Variants in PPARGC1B observed in about 807,000 individuals in gnomAD.
PPARGC1B encodes PPARG coactivator 1 beta, also known as peroxisome proliferator-activated receptor gamma coactivator 1-beta.
A neutral mutation model predicts 101.6 loss-of-function variants in PPARGC1B; 34 were observed. The ratio of observed to expected loss-of-function variants is 0.33; its 90% CI spans 0.25 to 0.45. The LOEUF (loss-of-function observed/expected upper bound fraction) is 0.45, where lower values mean the gene tolerates loss of function less well. Ranked by LOEUF, PPARGC1B falls within the 20% of genes least tolerant of loss-of-function variation. The pLI, the probability that PPARGC1B is intolerant of heterozygous loss-of-function variation, is 1.00. For synonymous variants in PPARGC1B, 548 were observed against 539.3 expected, an observed-to-expected ratio of 1.02 and a Z score of -0.22; for missense variants, 1,234 against 1,317.6, an observed-to-expected ratio of 0.94 and a Z score of 0.98.
chr5:149,732,602 C>G (rs1754542886), intron 1 of PPARGC1B, among the ~76,000 whole-genome samples: 1 of 152,226 alleles, frequency 6.6e-6, no homozygotes, highest in Admixed American at 6.5e-5. Context: ...TATTTAACCA[C>G]ATGACAGGCC....
At chr5:149,836,202 CTTAGTGTCCCTTGGAGAAGT>C in intron 7 of PPARGC1B, 41 bp from the exon 8 acceptor site, 1 of 1,400,304 alleles carries the variant, frequency 7.1e-7, no homozygotes, top group Non-Finnish European at 9.7e-7. Context: ...AACTTAGGGT[CTTAGTGTCCCTTGGAGAAGT>C]GATCTGTCTT....
At chr5:149,831,359 G>A (rs769778674) in intron 4 of PPARGC1B, among the ~76,000 whole-genome samples, 33 of 152,274 alleles carry the variant, frequency 2.2e-4, no homozygotes, top group Non-Finnish European at 4.0e-4. Flanking sequence ...AAGAAGAGGC[G>A]TAACAGGTGT....
chr5:149,837,661 C>T lies in PPARGC1B; in HGVS notation c.2618+588C>T, dbSNP rs924698964. On this transcript the variant is annotated intron_variant, in intron 8 of 11. Coordinates refer to ENST00000309241, the MANE Select transcript of PPARGC1B (RefSeq NM_133263.4). This position sits in a 1 kb window ranked among gnomAD's most constrained non-coding sequence, Gnocchi z 4.2. ...TGAGCCCGCTTGCTCGTATCATCCT[C>T]GCTCGCTGAACCAGACTGGAGAAGA... Among the ~76,000 whole-genome samples, 2 of 152,196 alleles carry T rather than the reference C, an allele frequency of 1.3e-5. No individual in the cohort carries two copies. Among genetic ancestry groups the T allele is most frequent in the South Asian group, 2.1e-4 (1 of 4,832 alleles).
At chr5:149,777,858 G>GCCCCCCTC (rs1756428912) in intron 1 of PPARGC1B, among the ~76,000 whole-genome samples, 1 of 74,404 alleles carries the variant, frequency 1.3e-5, no homozygotes. Context: ...ATGTAGCAGT[G>GCCCCCCTC]CCCCCCTCCC....
intron 1 of PPARGC1B, among the ~76,000 whole-genome samples, chr5:149,748,803 A>G (rs1755182364): frequency 6.6e-6 from 1 of 152,240 alleles, no homozygotes. Flanking sequence ...AACAGACAGC[A>G]TGAACGAAAT....
intron 1 of PPARGC1B, among the ~76,000 whole-genome samples, chr5:149,801,091 G>A (rs916903992): frequency 2.0e-5 from 3 of 152,168 alleles, no homozygotes; most frequent in Non-Finnish European, 2.9e-5. Flanking sequence ...GAGAGAGCAG[G>A]ACCTTGTAGG....
rs72364863 is a variant in PPARGC1B, at chr5:149,784,560, C to CTTTTTTTTTTT, written c.79-35860_79-35850dup. On this transcript the variant is annotated intron_variant, in intron 1 of 11. Transcript: ENST00000309241. The stretch of plus-strand genomic sequence containing the variant: ...AGCCTCACTCCAGCCAACTGAGTTT[C>CTTTTTTTTTTT]TTTTTTTTTTTTTTTTTTTTTTTCT... 9.2e-5 allele frequency among the ~76,000 whole-genome samples: 7 copies of CTTTTTTTTTTT among 75,704 alleles called. 1 individual carries two copies. Among genetic ancestry groups the CTTTTTTTTTTT allele is most frequent in the Admixed American group, 2.0e-4 (1 of 4,982 alleles). 49.7% of individuals were successfully genotyped at this position (75,704 alleles called of 152,430 possible). A position where few individuals can be genotyped will look rare whatever the true frequency, so the allele number is the denominator to read the frequency against.
chr5:149,820,104 AG>A (rs1338600758), intron 1 of PPARGC1B, among the ~76,000 whole-genome samples: 2 of 152,194 alleles, frequency 1.3e-5, no homozygotes, highest in African/African-American at 4.8e-5. Flanking sequence ...ATATGTGTAA[AG>A]GATTAGCTCC....
chr5:149,844,351 A>G (rs1581125951), intron 10 of PPARGC1B, among the ~76,000 whole-genome samples: 1 of 152,242 alleles, frequency 6.6e-6, no homozygotes, highest in African/African-American at 2.4e-5. Context: ...AATATTAGAC[A>G]TTAAAGAGGA....
At chr5:149,801,044 A>G (rs1757413183) in intron 1 of PPARGC1B, among the ~76,000 whole-genome samples, 1 of 152,104 alleles carries the variant, frequency 6.6e-6, no homozygotes, top group Non-Finnish European at 1.5e-5. Flanking sequence ...GGTTTGTCCC[A>G]TGTGTATGGG....
chr5:149,819,888 A>G (rs1343509761), intron 1 of PPARGC1B, among the ~76,000 whole-genome samples: 2 of 152,174 alleles, frequency 1.3e-5, no homozygotes, highest in African/African-American at 2.4e-5. Context: ...TTTTATGTTC[A>G]TCATATATGT....
chr5:149,744,288 C>T (rs1303760844), intron 1 of PPARGC1B, among the ~76,000 whole-genome samples: 1 of 152,204 alleles, frequency 6.6e-6, no homozygotes, highest in East Asian at 1.9e-4. Flanking sequence ...CAAGCAAGGC[C>T]TCATGATATG....
intron 1 of PPARGC1B, among the ~76,000 whole-genome samples, chr5:149,731,779 C>G (rs1051835717): frequency 1.3e-5 from 2 of 152,192 alleles, no homozygotes; most frequent in African/African-American, 4.8e-5. Flanking sequence ...ACGCCGCAGC[C>G]GAGACGTTCA....
chr5:149,823,496 G>A (rs190616521), intron 2 of PPARGC1B, among the ~76,000 whole-genome samples: 309 of 152,202 alleles, frequency 2.0e-3, no homozygotes, highest in Middle Eastern at 0.017. Context: ...TTGAAGGCTC[G>A]TTTTCCTCCT....
At position 149,818,734 on chromosome 5, in the gene PPARGC1B, T is replaced by C. The variant is rs1420475960; in HGVS notation, c.79-1699T>C. ...CCGCTCCTCTCTGCCTACCATGAAA[T>C]ACCATTGTTTTATCATTATTATTAT... is the stretch of plus-strand genomic sequence containing the variant. On this transcript the variant is annotated intron_variant, in intron 1 of 11. Coordinates refer to ENST00000309241, the MANE Select transcript of PPARGC1B (RefSeq NM_133263.4). The C allele has an allele frequency of 9.1e-6, 4 of 437,426 alleles. No homozygotes were observed. In the Admixed American group the frequency reaches 9.7e-5, roughly 11 times the overall value. The allele number at this position is 437,426 out of a possible 1,614,324, so 27.1% of individuals were successfully genotyped here.
chr5:149,828,077 A>G (rs1483937890), intron 3 of PPARGC1B, among the ~76,000 whole-genome samples: 1 of 152,204 alleles, frequency 6.6e-6, no homozygotes, highest in Non-Finnish European at 1.5e-5. Context: ...TGGGGAGGGT[A>G]TCTCCAGTAG....
intron 1 of PPARGC1B, among the ~76,000 whole-genome samples, chr5:149,761,141 C>T (rs767258838): frequency 1.3e-5 from 2 of 151,700 alleles, no homozygotes; most frequent in Non-Finnish European, 1.5e-5. Context: ...TGTTATTTAA[C>T]GTACATAATG....
intron 1 of PPARGC1B, among the ~76,000 whole-genome samples, chr5:149,767,282 C>T (rs1755946334): frequency 6.6e-6 from 1 of 152,146 alleles, no homozygotes; most frequent in African/African-American, 2.4e-5. Flanking sequence ...ATGCTTGTGC[C>T]TCCAGCCTTT....
intron 1 of PPARGC1B, among the ~76,000 whole-genome samples, chr5:149,732,022 G>T (rs1375070645): frequency 6.6e-6 from 1 of 150,824 alleles, no homozygotes; most frequent in Non-Finnish European, 1.5e-5. Flanking sequence ...AGGGGAATGT[G>T]TGATGAGCGG....
Sources: allele counts gnomAD v4.1 joint callset (sites outside exome capture counted in the v4.1 genomes callset), GRCh38; gene constraint gnomAD v4.1.1; non-coding constraint Gnocchi (gnomAD v3.1); transcripts MANE v1.5; gene names NCBI Gene and HGNC (gene_info 2026-07-23, HGNC 2026-07-21).